The following CEMIP2 variants were observed in gnomAD, a reference collection of about 807,000 sequenced individuals.
The protein encoded by CEMIP2 is cell surface hyaluronidase CEMIP2.
A neutral mutation model predicts 146.9 loss-of-function variants in CEMIP2; 79 were observed. The observed-to-expected ratio is 0.54, with a 90% CI of 0.45 to 0.65. CEMIP2 has a LOEUF of 0.65. Ranked by LOEUF, CEMIP2 falls within the 30% of genes least tolerant of loss-of-function variation. The pLI, the probability that CEMIP2 is intolerant of heterozygous loss-of-function variation, is 0.00. For missense variants in CEMIP2, 1,596 were observed against 1,696.2 expected (o/e 0.94, Z 1.04); for synonymous variants, 601 against 606.3 (o/e 0.99, Z 0.13).
chr9:71,704,636 C>T lies in CEMIP2; in HGVS notation c.3153G>A (p.Pro1051=), dbSNP rs143044230. 268 of 1,614,102 alleles carry T rather than the reference C, an allele frequency of 1.7e-4. No individual in the cohort carries two copies. Among genetic ancestry groups the T allele is most frequent in the Admixed American group, 1.5e-3 (88 of 60,022 alleles). ...EKGYTIHWNG[P]APRTTFLYLV... ...GGTATAGAAATGTAGTCCGTGGTGC[C>T]GGCCCATTCCAGTGGATGGTATAAC... The change falls in exon 18 of 24, where the codon CCG becomes CCA. Residue 1051 remains proline, a synonymous_variant. Coordinates refer to ENST00000377044, the MANE Select transcript of CEMIP2 (RefSeq NM_013390.3).
At position 71,745,273 on chromosome 9, in the gene CEMIP2, T is replaced by C. The variant is rs531713245; in HGVS notation, c.779A>G (p.Glu260Gly). ...ATTGAGGCCCCGGGAAAAGTCCTTT[T>C]CAAAGGTATAGGACCCAAAGGGCAA... is the stretch of plus-strand genomic sequence containing the variant. ...SGLPFGSYTF[E>G]KDFSRGLNVR... The change falls in exon 4 of 24, where the codon GAA (glutamate) becomes GGA (glycine). Residue 260 changes from glutamate to glycine, a missense_variant. Glu to Gly is a moderately conservative substitution (Grantham distance 98). Transcript: ENST00000377044. 7.4e-6 allele frequency: 12 copies of C among 1,614,104 alleles called. No individual in the cohort carries two copies. In the East Asian group the frequency reaches 2.5e-4, roughly 33 times the overall value.
intron 15 of CEMIP2, among the ~76,000 whole-genome samples, chr9:71,713,397 C>A (rs1257366854): frequency 1.3e-5 from 2 of 152,104 alleles, no homozygotes; most frequent in Non-Finnish European, 2.9e-5. Flanking sequence ...GCCTCCCCAG[C>A]CATGTAGAAC....
chr9:71,765,951 G>A (rs1824777469), intron 1 of CEMIP2, among the ~76,000 whole-genome samples: 1 of 152,162 alleles, frequency 6.6e-6, no homozygotes, highest in African/African-American at 2.4e-5. Flanking sequence ...GTGGGTGGGT[G>A]AATGATGCAA....
chr9:71,711,381 G>A lies in CEMIP2; in HGVS notation c.2769+702C>T, dbSNP rs1350201571. Among the ~76,000 whole-genome samples, 5 of 146,980 alleles carry A rather than the reference G, an allele frequency of 3.4e-5. No homozygotes were observed. In the East Asian group the frequency reaches 1.0e-3, roughly 30 times the overall value. On this transcript the variant is annotated intron_variant, in intron 16 of 23. Transcript: ENST00000377044. The stretch of plus-strand genomic sequence containing the variant: ...GTTAAAGACCAGCCCAGGCTAATGA[G>A]GCCCTTTCTCTATTAAAAAAAAAAA...
intron 16 of CEMIP2, among the ~76,000 whole-genome samples, chr9:71,710,925 C>T (rs545486975): frequency 3.2e-4 from 48 of 152,328 alleles, no homozygotes; most frequent in African/African-American, 1.2e-3. Context: ...CAGACATAGA[C>T]TTTGATAAAC....
intron 1 of CEMIP2, among the ~76,000 whole-genome samples, chr9:71,759,729 C>T (rs918729115): frequency 1.3e-5 from 2 of 148,400 alleles, no homozygotes; most frequent in Non-Finnish European, 3.0e-5. Context: ...TAGGGCTGTT[C>T]GGATGTGGTT....
intron 21 of CEMIP2, among the ~76,000 whole-genome samples, chr9:71,694,192 A>C (rs1483303574): frequency 6.6e-6 from 1 of 151,786 alleles, no homozygotes; most frequent in African/African-American, 2.4e-5. Flanking sequence ...GCGCGATCTC[A>C]GCTCACTGCA....
At chr9:71,753,811 C>T (rs937527443) in intron 1 of CEMIP2, among the ~76,000 whole-genome samples, 1 of 151,990 alleles carries the variant, frequency 6.6e-6, no homozygotes, top group African/African-American at 2.4e-5. Context: ...AATTATAGAT[C>T]TAAATTATTC....
chr9:71,762,326 C>A (rs941192740), intron 1 of CEMIP2, among the ~76,000 whole-genome samples: 1 of 151,918 alleles, frequency 6.6e-6, no homozygotes, highest in African/African-American at 2.4e-5. Flanking sequence ...AATAGGGATA[C>A]ACTGTGGCTA....
At position 71,728,285 on chromosome 9, in the gene CEMIP2, A is replaced by ATGTG. The variant is rs1554684744; in HGVS notation, c.2049+1559_2049+1560insCACA. ...CGTATATATATATATATATATGTATATATATATATATATATACATATATAT... is the reference window on the plus strand; with the variant it reads ...CGTATATATATATATATATATGTATATGTGTATATATATATATATACATATATAT... On this transcript the variant is annotated intron_variant, in intron 10 of 23. Coordinates refer to ENST00000377044, the MANE Select transcript of CEMIP2 (RefSeq NM_013390.3). Among the ~76,000 whole-genome samples, 82 of 27,310 alleles carry ATGTG rather than the reference A, an allele frequency of 3.0e-3. 16 individuals carry two copies. The highest frequency in any genetic ancestry group is 3.2e-3 in the Non-Finnish European group (45 of 13,852). 17.9% of individuals were successfully genotyped at this position (27,310 alleles called of 152,430 possible). A position where few individuals can be genotyped will look rare whatever the true frequency, so the allele number is the denominator to read the frequency against.
intron 21 of CEMIP2, among the ~76,000 whole-genome samples, chr9:71,693,633 G>A (rs1026915042): frequency 2.0e-5 from 3 of 152,210 alleles, no homozygotes; most frequent in Non-Finnish European, 4.4e-5. Flanking sequence ...TTTCTTAAAT[G>A]TATTTAAAAA....
At chr9:71,732,244 A>C in intron 7 of CEMIP2, 107 bp downstream of exon 7, 8 of 1,161,188 alleles carry the variant, frequency 6.9e-6, no homozygotes, top group Non-Finnish European at 9.6e-6. Flanking sequence ...ACAAAACATG[A>C]TTTGCTTTTA....
rs1179770875 is a variant in CEMIP2 at position 71,728,297 on chromosome 9, A to ACACG, written c.2049+1547_2049+1548insCGTG. ...TATATATATGTATATATATATATAT[A>ACACG]TATACATATATATATATATACGTAT... On this transcript the variant is annotated intron_variant, in intron 10 of 23. Transcript: ENST00000377044. 3.1e-3 allele frequency among the ~76,000 whole-genome samples: 128 copies of ACACG among 41,334 alleles called. 24 individuals are homozygous for ACACG. The highest frequency in any genetic ancestry group is 0.013 in the African/African-American group (120 of 9,416). 27.1% of individuals were successfully genotyped at this position (41,334 alleles called of 152,430 possible).
At chr9:71,745,695 G>T in intron 3 of CEMIP2, 116 bp from the exon 4 acceptor site, 2 of 1,032,756 alleles carry the variant, frequency 1.9e-6, no homozygotes, top group East Asian at 4.9e-5. Flanking sequence ...AAAAGAATTC[G>T]CTAAGAATCT....
At chr9:71,766,351 G>T (rs1201164930) in intron 1 of CEMIP2, among the ~76,000 whole-genome samples, 1 of 152,156 alleles carries the variant, frequency 6.6e-6, no homozygotes, top group Non-Finnish European at 1.5e-5. Flanking sequence ...GGGATTACAG[G>T]CGTGAGCCAA....
chr9:71,723,345 A>G (rs1027114301), intron 11 of CEMIP2, among the ~76,000 whole-genome samples: 6 of 115,638 alleles, frequency 5.2e-5, no homozygotes, highest in African/African-American at 1.5e-4. Context: ...TAATGGATTG[A>G]AAGAGAATTT....
At chr9:71,756,504 TCTCACACACA>T (rs1301687640) in intron 1 of CEMIP2, among the ~76,000 whole-genome samples, 2 of 111,686 alleles carry the variant, frequency 1.8e-5, no homozygotes, top group African/African-American at 3.5e-5. Context: ...TCTCTCTCTC[TCTCACACACA>T]CACACACACA....
chr9:71,752,477 G>C (rs377486425), intron 1 of CEMIP2, among the ~76,000 whole-genome samples: 15 of 38,490 alleles, frequency 3.9e-4, no homozygotes, highest in South Asian at 1.8e-3. Flanking sequence ...AGGAAGGAAG[G>C]AAGGGGGAGG....
chr9:71,753,094 G>A (rs1001193730), intron 1 of CEMIP2, among the ~76,000 whole-genome samples: 5 of 152,080 alleles, frequency 3.3e-5, no homozygotes, highest in African/African-American at 4.8e-5. Flanking sequence ...TAAAGACCCC[G>A]TTATGATCCT....
Sources: allele counts gnomAD v4.1 joint callset (sites outside exome capture counted in the v4.1 genomes callset), GRCh38; gene constraint gnomAD v4.1.1; transcripts MANE v1.5; gene names NCBI Gene and HGNC (gene_info 2026-07-23, HGNC 2026-07-21).